Variants in SLC24A4 observed in about 807,000 individuals in gnomAD.
SLC24A4 encodes the protein sodium/potassium/calcium exchanger 4.
In SLC24A4, 53 loss-of-function variants were observed where a neutral mutation model predicts 79.0. That is an observed-to-expected ratio of 0.67 (90% confidence interval 0.54 to 0.84). SLC24A4 has a LOEUF of 0.84. SLC24A4 is among the 40% of genes least tolerant of loss of function. SLC24A4 has a pLI of 0.00. For missense variants in SLC24A4, 731 were observed against 822.0 expected, an observed-to-expected ratio of 0.89 and a Z score of 1.35; for synonymous variants, 323 against 323.8, an observed-to-expected ratio of 1.00 and a Z score of 0.03.
intron 2 of SLC24A4, among the ~76,000 whole-genome samples, chr14:92,397,104 T>A (rs187175936): frequency 7.5e-4 from 115 of 152,374 alleles, no homozygotes; most frequent in African/African-American, 2.5e-3. Context: ...AAGCATTGTG[T>A]AGAAGAGAAA....
intron 13 of SLC24A4, chr14:92,484,950 G>A (rs1895273203): frequency 1.1e-6 from 1 of 903,536 alleles, no homozygotes; most frequent in Non-Finnish European, 1.3e-6. Flanking sequence ...AGTTAGTGTT[G>A]TGTACATTAT....
intron 2 of SLC24A4, among the ~76,000 whole-genome samples, chr14:92,376,685 G>C (rs533988727): frequency 6.6e-6 from 1 of 152,238 alleles, no homozygotes; most frequent in Admixed American, 6.5e-5. Flanking sequence ...CAGCTCCAAG[G>C]TCAGCTGCTT....
intron 9 of SLC24A4, among the ~76,000 whole-genome samples, chr14:92,448,007 G>A (rs1446354303): frequency 1.3e-5 from 2 of 152,278 alleles, no homozygotes; most frequent in East Asian, 3.9e-4. Flanking sequence ...ATAACGTTCT[G>A]ACAGTCTACC....
At chr14:92,394,401 G>A (rs148273463) in intron 2 of SLC24A4, among the ~76,000 whole-genome samples, 2 of 152,092 alleles carry the variant, frequency 1.3e-5, no homozygotes, top group East Asian at 3.9e-4. Context: ...TTGAAGACCA[G>A]CCTGGGCAAC....
At chr14:92,334,615 G>C (rs180701269) in intron 2 of SLC24A4, among the ~76,000 whole-genome samples, 29 of 152,240 alleles carry the variant, frequency 1.9e-4, no homozygotes, top group Non-Finnish European at 2.2e-4. Flanking sequence ...GCCAGAAAAG[G>C]CTCCTTCCCG....
chr14:92,448,381 A>ACACACACACACAC (rs1555371204), intron 9 of SLC24A4, among the ~76,000 whole-genome samples: 3 of 31,790 alleles, frequency 9.4e-5, no homozygotes, highest in African/African-American at 3.2e-4. Context: ...CACACACACA[A>ACACACACACACAC]ATCCCTACTC....
intron 2 of SLC24A4, among the ~76,000 whole-genome samples, chr14:92,344,913 T>G (rs1886440490): frequency 6.6e-6 from 1 of 152,132 alleles, no homozygotes; most frequent in Non-Finnish European, 1.5e-5. Flanking sequence ...AATGCTGCAT[T>G]TTACTGTGTA....
intron 3 of SLC24A4, among the ~76,000 whole-genome samples, chr14:92,436,533 T>G (rs1034196447): frequency 1.3e-5 from 2 of 152,258 alleles, no homozygotes; most frequent in Admixed American, 1.3e-4. Context: ...GAAGTGACTA[T>G]TTGGCCAGCA....
intron 2 of SLC24A4, among the ~76,000 whole-genome samples, chr14:92,381,082 T>C (rs571997493): frequency 1.8e-4 from 28 of 152,156 alleles, no homozygotes; most frequent in Non-Finnish European, 3.4e-4. Context: ...CATTACTAGG[T>C]ATATGCCAAA....
intron 2 of SLC24A4, among the ~76,000 whole-genome samples, chr14:92,387,809 T>C (rs1889248960): frequency 6.6e-6 from 1 of 152,220 alleles, no homozygotes; most frequent in Admixed American, 6.5e-5. Flanking sequence ...ACTCAGACAA[T>C]ATTTGTTCTT....
intron 9 of SLC24A4, among the ~76,000 whole-genome samples, chr14:92,448,381 A>ACACAC (rs1555371204): frequency 3.1e-5 from 1 of 31,792 alleles, no homozygotes; most frequent in Non-Finnish European, 7.7e-5. Flanking sequence ...CACACACACA[A>ACACAC]ATCCCTACTC....
At chr14:92,407,367 C>T (rs191236447) in intron 2 of SLC24A4, among the ~76,000 whole-genome samples, 15 of 152,350 alleles carry the variant, frequency 9.8e-5, no homozygotes, top group African/African-American at 1.4e-4. Context: ...ACTGTTCCAA[C>T]GTCTGCCCAT....
chr14:92,482,251 G>T (rs1039995181), intron 12 of SLC24A4, among the ~76,000 whole-genome samples: 9 of 152,254 alleles, frequency 5.9e-5, no homozygotes, highest in Admixed American at 4.6e-4. Context: ...TGGATGTGTT[G>T]ATTATTGCTG....
At chr14:92,431,734 G>A (rs1013714586) in intron 2 of SLC24A4, among the ~76,000 whole-genome samples, 2 of 152,194 alleles carry the variant, frequency 1.3e-5, no homozygotes, top group African/African-American at 4.8e-5. Flanking sequence ...GCAAAGCAAG[G>A]CGTGAGGCTG....
rs1889922566 is a variant in SLC24A4 at position 92,398,717 on chromosome 14, C to G, written c.242-35195C>G. Among the ~76,000 whole-genome samples, 1 of 152,194 alleles carries G rather than the reference C, an allele frequency of 6.6e-6. No individual in the cohort carries two copies. On this transcript the variant is annotated intron_variant, in intron 2 of 16. Transcript: ENST00000532405. The surrounding 1 kb of genome is among the most constrained non-coding windows in gnomAD (Gnocchi z 4.1). ...GGGTTACTGTAGTTGCTTGGACACA[C>G]TGGGCTGCACAGGCCAGGAAATTAC...
chr14:92,473,791 G>A (rs563217178), intron 12 of SLC24A4, among the ~76,000 whole-genome samples: 2 of 152,136 alleles, frequency 1.3e-5, no homozygotes, highest in African/African-American at 2.4e-5. Flanking sequence ...CATGCACGCC[G>A]AAATCGGTTC....
At chr14:92,474,843 G>GTGTGTATATATATA (rs779007741) in intron 12 of SLC24A4, among the ~76,000 whole-genome samples, 7 of 23,884 alleles carry the variant, frequency 2.9e-4, no homozygotes, top group South Asian at 1.5e-3. Context: ...GTGTGTGTGT[G>GTGTGTATATATATA]TATATATATA....
At chr14:92,433,593 T>A (rs570273424) in intron 2 of SLC24A4, among the ~76,000 whole-genome samples, 4 of 152,224 alleles carry the variant, frequency 2.6e-5, no homozygotes, top group Admixed American at 2.6e-4. Flanking sequence ...CGTATCCTTG[T>A]CAACACTTAC....
intron 2 of SLC24A4, among the ~76,000 whole-genome samples, chr14:92,345,782 A>T (rs1263996485): frequency 6.6e-6 from 1 of 151,902 alleles, no homozygotes; most frequent in Non-Finnish European, 1.5e-5. Context: ...TGAAAGGGGG[A>T]TGTTCATAGG....
Sources: gnomAD v4.1 joint callset for allele counts (sites outside exome capture counted in the v4.1 genomes callset) on GRCh38, gnomAD v4.1.1 for gene constraint, Gnocchi (gnomAD v3.1) non-coding constraint, MANE v1.5 for transcripts, NCBI Gene and HGNC (gene_info 2026-07-23, HGNC 2026-07-21) for gene names.